ARHGAP24: variants seen among roughly 807,000 people sequenced by gnomAD.
The protein encoded by ARHGAP24 is rho GTPase-activating protein 24.
In ARHGAP24, 50 loss-of-function variants were observed where a neutral mutation model predicts 76.4. The ratio of observed to expected loss-of-function variants is 0.65; its 90% CI spans 0.52 to 0.83. The LOEUF (loss-of-function observed/expected upper bound fraction) is 0.83, where lower values mean the gene tolerates loss of function less well. Ranked by LOEUF, ARHGAP24 falls within the 40% of genes least tolerant of loss-of-function variation. The pLI is 0.00. For missense variants in ARHGAP24, 930 were observed against 914.2 expected (o/e 1.02, Z -0.22); for synonymous variants, 345 against 323.3 (o/e 1.07, Z -0.72).
chr4:85,683,109 T>TGTGGGGGGG (rs1553922558), intron 2 of ARHGAP24, among the ~76,000 whole-genome samples: 1 of 17,482 alleles, frequency 5.7e-5, no homozygotes, highest in Non-Finnish European at 1.3e-4. Context: ...TCTCAGTGTG[T>TGTGGGGGGG]GGGGGGGTGG....
chr4:85,995,634 A>C lies in ARHGAP24; in HGVS notation c.1980A>C (p.Ile660=). The C allele has an allele frequency of 1.9e-6, 3 of 1,613,994 alleles. No individual in the cohort carries two copies. The highest frequency in any genetic ancestry group is 2.5e-6 in the Non-Finnish European group (3 of 1,179,974). ...SLKQEMTKQK[I]EYESRIKSLE... ...AACAGGAAATGACCAAACAGAAGAT[A>C]GAGTATGAGTCCAGGATAAAGAGGT... Residue 660 remains isoleucine (I), a synonymous_variant, in exon 9 of 10, where the codon ATA becomes ATC. Transcript: ENST00000395184.
chr4:85,592,363 G>T, intron 2 of ARHGAP24, among the ~76,000 whole-genome samples: 1 of 151,942 alleles, frequency 6.6e-6, no homozygotes, highest in East Asian at 1.9e-4. Context: ...TATTAGATTT[G>T]TCTCTATTGA....
intron 3 of ARHGAP24, among the ~76,000 whole-genome samples, chr4:85,733,059 A>ATTTTTTTTTTT (rs1560606971): frequency 4.8e-4 from 17 of 35,768 alleles, no homozygotes; most frequent in South Asian, 1.3e-3. Flanking sequence ...GGCCTCACCA[A>ATTTTTTTTTTT]CTTTTTTTTT....
At chr4:85,898,008 T>C (rs4498126) in intron 3 of ARHGAP24, among the ~76,000 whole-genome samples, 100,018 of 146,256 alleles carry the variant, frequency 0.68, 34,356 homozygotes, top group African/African-American at 0.72. Flanking sequence ...TATATACACA[T>C]ATATATATAC....
At chr4:85,793,703 T>C (rs1044780269) in intron 3 of ARHGAP24, among the ~76,000 whole-genome samples, 6 of 152,198 alleles carry the variant, frequency 3.9e-5, no homozygotes, top group African/African-American at 1.4e-4. Context: ...AATAGAATGT[T>C]CTTATGTGTA....
chr4:85,668,044 C>G (rs961033456), intron 2 of ARHGAP24, among the ~76,000 whole-genome samples: 1 of 152,112 alleles, frequency 6.6e-6, no homozygotes, highest in Non-Finnish European at 1.5e-5. Context: ...TTAGACATTT[C>G]AAGGCTTATT....
intron 2 of ARHGAP24, among the ~76,000 whole-genome samples, chr4:85,633,164 T>C (rs960913839): frequency 1.3e-5 from 2 of 151,930 alleles, no homozygotes; most frequent in African/African-American, 4.8e-5. Context: ...TGAATGGCTA[T>C]GTTTTCCTTT....
Position 85,755,630 on chromosome 4 carries a change from TGTTTTG to T in ARHGAP24, c.268+33659_268+33664del, listed in dbSNP as rs1392483499. ...ATGGGAAGCTTCTATTCTTTTGTTT[TGTTTTG>T]TTTTGTTTTGTTTTGAGACGGAGTC... is the stretch of plus-strand genomic sequence containing the variant. On this transcript the variant is annotated intron_variant, in intron 3 of 9. Transcript: ENST00000395184. Among the ~76,000 whole-genome samples the T allele has an allele frequency of 3.3e-4, 24 of 73,088 alleles. 5 individuals are homozygous for T. The highest frequency in any genetic ancestry group is 9.5e-4 in the East Asian group (2 of 2,100). The allele number at this position is 73,088 out of a possible 152,430, so 47.9% of individuals were successfully genotyped here. A position where few individuals can be genotyped will look rare whatever the true frequency, so the allele number is the denominator to read the frequency against.
chr4:85,552,229 T>C (rs1726168522), intron 1 of ARHGAP24, among the ~76,000 whole-genome samples: 1 of 152,226 alleles, frequency 6.6e-6, no homozygotes, highest in Non-Finnish European at 1.5e-5. Context: ...GTATCTTTGT[T>C]CTCATTACAG....
chr4:85,636,161 A>C, intron 2 of ARHGAP24, among the ~76,000 whole-genome samples: 1 of 149,410 alleles, frequency 6.7e-6, no homozygotes, highest in Admixed American at 6.7e-5. Context: ...CCTTCTTTAG[A>C]CTCCATCGTA....
intron 2 of ARHGAP24, among the ~76,000 whole-genome samples, chr4:85,672,383 G>C (rs1003565855): frequency 2.0e-5 from 3 of 152,040 alleles, no homozygotes; most frequent in African/African-American, 7.2e-5. Context: ...CTCAACTCTC[G>C]GACTTCCTAA....
chr4:85,965,846 A>G (rs543771417), intron 5 of ARHGAP24, among the ~76,000 whole-genome samples: 12 of 152,286 alleles, frequency 7.9e-5, no homozygotes, highest in Admixed American at 7.2e-4. Flanking sequence ...ATTAACTGAA[A>G]GCATGTTTCT....
intron 1 of ARHGAP24, among the ~76,000 whole-genome samples, chr4:85,535,477 G>T (rs1725432043): frequency 6.6e-6 from 1 of 152,144 alleles, no homozygotes; most frequent in South Asian, 2.1e-4. Flanking sequence ...TCTAGAGATA[G>T]AAAAAGTACC....
At position 85,481,189 on chromosome 4, in the gene ARHGAP24, A is replaced by ATGT. The variant is rs1201383943; in HGVS notation, c.-21+5632_-21+5634dup. Among the ~76,000 whole-genome samples, 13 of 152,294 alleles carry ATGT rather than the reference A, an allele frequency of 8.5e-5. No homozygotes were observed. In the South Asian group the frequency reaches 2.3e-3, roughly 27 times the overall value. ...GAATTAGTAATTCTAGATGTAATCT[A>ATGT]TGTTATATTTAATCCAGATATTTTT... On this transcript the variant is annotated intron_variant, in intron 1 of 9. Transcript: ENST00000395184.
chr4:85,873,203 T>C lies in ARHGAP24; in HGVS notation c.269-50445T>C, dbSNP rs183704932. ...CAGCTACTTGCTAGCTGTGTTCATG[T>C]TGGGTGAATAAAGCAACTTTTTCTA... is the stretch of plus-strand genomic sequence containing the variant. On this transcript the variant is annotated intron_variant, in intron 3 of 9. Coordinates refer to ENST00000395184, the MANE Select transcript of ARHGAP24 (RefSeq NM_001025616.3). Among the ~76,000 whole-genome samples the C allele has an allele frequency of 2.3e-3, 354 of 152,270 alleles. 2 individuals carry two copies. Among genetic ancestry groups the C allele is most frequent in the Non-Finnish European group, 3.4e-3 (232 of 68,024 alleles).
chr4:85,812,269 AATT>A (rs1429422834), intron 3 of ARHGAP24, among the ~76,000 whole-genome samples: 1 of 152,182 alleles, frequency 6.6e-6, no homozygotes, highest in East Asian at 1.9e-4. Flanking sequence ...TTTTCCAAAA[AATT>A]ATTTTCATAT....
intron 2 of ARHGAP24, among the ~76,000 whole-genome samples, chr4:85,670,860 A>G (rs1019010124): frequency 1.3e-5 from 2 of 152,130 alleles, no homozygotes; most frequent in African/African-American, 4.8e-5. Context: ...TATGAGCCTC[A>G]GGCAGTTCTC....
rs145872679 is a variant in ARHGAP24 at position 85,854,230 on chromosome 4, A to T, written c.269-69418A>T. 6.3e-4 allele frequency among the ~76,000 whole-genome samples: 96 copies of T among 152,286 alleles called. 1 individual carries two copies. In the East Asian group the frequency reaches 0.017, roughly 27 times the overall value. Reference sequence around the variant, plus strand: ...AATAAACATAAATCTCAGAGGCAAAATGTAATAATCAGCATTTTAAATACT... The same window carrying T: ...AATAAACATAAATCTCAGAGGCAAATTGTAATAATCAGCATTTTAAATACT... On this transcript the variant is annotated intron_variant, in intron 3 of 9. Transcript: ENST00000395184.
In ARHGAP24 at chr4:86,000,755, G is replaced by A. The variant is rs759319783; in HGVS notation, c.*33G>A. ...TTCGCCTGCTGTCTCTGATGGCTCT[G>A]GCAAGGACTCCAGGGATTCTGGTGG... On this transcript the variant is annotated 3_prime_UTR_variant, in exon 10 of 10. Transcript: ENST00000395184. The A allele has an allele frequency of 7.4e-5, 119 of 1,612,758 alleles. No individual in the cohort carries two copies. The highest frequency in any genetic ancestry group is 9.7e-5 in the Non-Finnish European group (114 of 1,179,310).
Sources: allele counts gnomAD v4.1 joint callset (sites outside exome capture counted in the v4.1 genomes callset), GRCh38; gene constraint gnomAD v4.1.1; transcripts MANE v1.5; gene names NCBI Gene and HGNC (gene_info 2026-07-23, HGNC 2026-07-21).